Variants in VOPP1 observed in about 807,000 individuals in gnomAD.
The protein encoded by VOPP1 is WW domain binding protein VOPP1.
VOPP1 carries 8 observed loss-of-function variants against 23.5 expected under a neutral mutation model. The observed-to-expected ratio is 0.34, with a 90% CI of 0.20 to 0.61. VOPP1 has a LOEUF of 0.61. Among genes scored for constraint, VOPP1 ranks in the 20% least tolerant of loss-of-function variants. The pLI, the probability that VOPP1 is intolerant of heterozygous loss-of-function variation, is 0.78. For missense variants in VOPP1, 174 were observed against 238.1 expected, an observed-to-expected ratio of 0.73 and a Z score of 1.77; for synonymous variants, 83 against 97.3, an observed-to-expected ratio of 0.85 and a Z score of 0.86.
At chr7:55,468,920 C>T (rs1404751332), downstream of VOPP1, among the ~76,000 whole-genome samples, 1 of 152,150 alleles carries the variant, frequency 6.6e-6, no homozygotes, top group Non-Finnish European at 1.5e-5. Context: ...TGAGGATAAA[C>T]TAATTTTTAC....
At chr7:55,486,959 G>C (rs952219422) in intron 4 of VOPP1, among the ~76,000 whole-genome samples, 2 of 152,294 alleles carry the variant, frequency 1.3e-5, no homozygotes, top group East Asian at 3.9e-4. Context: ...TGGAAATGCT[G>C]GAGCCCCAGG....
intron 4 of VOPP1, among the ~76,000 whole-genome samples, chr7:55,486,484 G>A (rs144600634): frequency 7.9e-5 from 12 of 152,268 alleles, no homozygotes; most frequent in African/African-American, 2.4e-4. Context: ...GAGAAGTGCC[G>A]CGTAAGAATA....
At chr7:55,530,009 C>T (rs1339046285) in intron 1 of VOPP1, among the ~76,000 whole-genome samples, 1 of 152,168 alleles carries the variant, frequency 6.6e-6, no homozygotes, top group Admixed American at 6.5e-5. Context: ...AATAATGCTG[C>T]CATATCCATT....
In VOPP1 at chr7:55,506,790, C is replaced by T. The variant is rs1029030559; in HGVS notation, c.114-9100G>A. Reference sequence around the variant, plus strand: ...AGTAGCTGGGATTACAGGTGTGCGCCGCCATGCCTGGCTAATTTTTGTATT... The same window carrying T: ...AGTAGCTGGGATTACAGGTGTGCGCTGCCATGCCTGGCTAATTTTTGTATT... On this transcript the variant is annotated intron_variant, in intron 2 of 4. Coordinates refer to ENST00000285279, the MANE Select transcript of VOPP1 (RefSeq NM_030796.5). Among the ~76,000 whole-genome samples, 10 of 152,068 alleles carry T rather than the reference C, an allele frequency of 6.6e-5. No individual in the cohort carries two copies. The South Asian group carries it at 8.3e-4, about 13-fold the overall frequency.
At chr7:55,438,538 G>A (rs572256126) in intron 4 of VOPP1, among the ~76,000 whole-genome samples, 4 of 152,316 alleles carry the variant, frequency 2.6e-5, no homozygotes, top group East Asian at 1.9e-4. Context: ...GTCAACACTC[G>A]GAGAAAGTGA....
At chr7:55,477,023 C>T (rs892713175) in intron 4 of VOPP1, among the ~76,000 whole-genome samples, 4 of 152,294 alleles carry the variant, frequency 2.6e-5, no homozygotes, top group South Asian at 4.1e-4. Context: ...CCATGCAAAC[C>T]GTGTCTCCTG....
chr7:55,476,678 C>T (rs1030882993), intron 4 of VOPP1, among the ~76,000 whole-genome samples: 7 of 152,146 alleles, frequency 4.6e-5, no homozygotes, highest in Admixed American at 4.6e-4. Context: ...CTCACCTCTC[C>T]TCCTCTCCAG....
chr7:55,510,060 G>A (rs1794976007), intron 2 of VOPP1, among the ~76,000 whole-genome samples: 1 of 152,162 alleles, frequency 6.6e-6, no homozygotes, highest in Non-Finnish European at 1.5e-5. Context: ...ATAATAAGAT[G>A]CAGATGAACT....
chr7:55,537,758 G>A (rs537258408), intron 1 of VOPP1: 27 of 1,365,922 alleles, frequency 2.0e-5, no homozygotes, highest in South Asian at 3.5e-5. Flanking sequence ...AAGCAGGTCC[G>A]GCCCCCAGGC....
chr7:55,567,271 C>T (rs1798193337), intron 1 of VOPP1, among the ~76,000 whole-genome samples: 1 of 152,224 alleles, frequency 6.6e-6, no homozygotes. Flanking sequence ...AGAGCAAAAC[C>T]TTTGCCCCTA....
At chr7:55,486,522 C>G (rs2692607) in intron 4 of VOPP1, among the ~76,000 whole-genome samples, 135,102 of 152,180 alleles carry the variant, frequency 0.89, 60,380 homozygotes, top group African/African-American at 0.98. Flanking sequence ...ATGTCAGATG[C>G]ACAGAGCTGG....
intron 4 of VOPP1, among the ~76,000 whole-genome samples, chr7:55,486,460 A>AC (rs1793149286): frequency 6.6e-6 from 1 of 152,196 alleles, no homozygotes. Flanking sequence ...GAGGGGCAGC[A>AC]CGGGGGCTGG....
intron 1 of VOPP1, among the ~76,000 whole-genome samples, chr7:55,562,557 A>G (rs1798024218): frequency 6.6e-6 from 1 of 152,230 alleles, no homozygotes; most frequent in African/African-American, 2.4e-5. Flanking sequence ...ACTGACCTCA[A>G]CTCCAAATAC....
intron 1 of VOPP1, among the ~76,000 whole-genome samples, chr7:55,559,723 C>A (rs1016877509): frequency 1.3e-5 from 2 of 152,144 alleles, no homozygotes; most frequent in Non-Finnish European, 2.9e-5. Flanking sequence ...GAACTCAAAG[C>A]ATAAAACAGA....
rs1161483097 is a variant in VOPP1 at position 55,486,343 on chromosome 7, TA to T, written c.328+5938del. Among the ~76,000 whole-genome samples, 9 of 152,312 alleles carry T rather than the reference TA, an allele frequency of 5.9e-5. No homozygotes were observed. The East Asian group carries it at 1.2e-3, about 20-fold the overall frequency. ...AGGACATTAAATGCTTTCACATGGA[TA>T]AAAAAACAGCTGCTGCTTTTGTATG... On this transcript the variant is annotated intron_variant, in intron 4 of 4. Transcript: ENST00000285279.
intron 4 of VOPP1, among the ~76,000 whole-genome samples, chr7:55,458,782 G>GATACTACTAATATTATAT (rs1791430351): frequency 6.6e-6 from 1 of 152,040 alleles, no homozygotes; most frequent in Non-Finnish European, 1.5e-5. Context: ...TCTTGGTAAA[G>GATACTACTAATATTATAT]TCTTTAGGTT....
intron 1 of VOPP1, among the ~76,000 whole-genome samples, chr7:55,565,245 C>T (rs555477590): frequency 4.6e-4 from 70 of 152,334 alleles, no homozygotes; most frequent in African/African-American, 1.5e-3. Flanking sequence ...AGATCACCTT[C>T]GCGTTTAGAC....
At chr7:55,441,425 G>A (rs1010690047) in intron 4 of VOPP1, among the ~76,000 whole-genome samples, 1 of 152,216 alleles carries the variant, frequency 6.6e-6, no homozygotes, top group African/African-American at 2.4e-5. Context: ...AAAAGTGCCT[G>A]GGCAGGTGAG....
chr7:55,525,285 C>A (rs1796107771), intron 1 of VOPP1, among the ~76,000 whole-genome samples: 1 of 151,922 alleles, frequency 6.6e-6, no homozygotes, highest in South Asian at 2.1e-4. Flanking sequence ...GTCAGGAGAT[C>A]GAGACTATCC....
Sources: gnomAD v4.1 joint callset for allele counts (sites outside exome capture counted in the v4.1 genomes callset) on GRCh38, gnomAD v4.1.1 for gene constraint, MANE v1.5 for transcripts, NCBI Gene and HGNC (gene_info 2026-07-23, HGNC 2026-07-21) for gene names.